Variants in PSD3 observed in about 807,000 individuals in gnomAD.
PSD3 encodes PH and SEC7 domain-containing protein 3.
PSD3 carries 49 observed loss-of-function variants against 105.5 expected under a neutral mutation model. That is an observed-to-expected ratio of 0.46 (90% confidence interval 0.37 to 0.59). PSD3 has a LOEUF of 0.59. Ranked by LOEUF, PSD3 falls within the 20% of genes least tolerant of loss-of-function variation. The probability of loss-of-function intolerance (pLI) is 0.00; values close to 1 mark genes in which losing one functional copy is unlikely to be tolerated. For synonymous variants in PSD3, 557 were observed against 457.8 expected, an observed-to-expected ratio of 1.22 and a Z score of -2.77; for missense variants, 1,561 against 1,263.8, an observed-to-expected ratio of 1.24 and a Z score of -3.57.
At chr8:18,855,748 C>A (rs191217113) in intron 4 of PSD3, among the ~76,000 whole-genome samples, 43 of 152,266 alleles carry the variant, frequency 2.8e-4, no homozygotes, top group African/African-American at 1.0e-3. Flanking sequence ...GAATGATAAA[C>A]ATCAGCAGCT....
chr8:18,586,377 T>G lies in PSD3; in HGVS notation c.2482-11092A>C, dbSNP rs538163242. ...AGGGGGAAAGCCTTTACTATTACTC[T>G]CCATTTGTAATGAAGAAATGCGAAT... On this transcript the variant is annotated intron_variant, in intron 12 of 15. Coordinates refer to ENST00000327040, the MANE Select transcript of PSD3 (RefSeq NM_015310.4). Among the ~76,000 whole-genome samples, 402 of 152,302 alleles carry G rather than the reference T, an allele frequency of 2.6e-3. 2 individuals are homozygous for G. Among genetic ancestry groups the G allele is most frequent in the Non-Finnish European group, 5.1e-3 (345 of 68,026 alleles).
rs541499785 is a variant in PSD3 at position 18,642,847 on chromosome 8, T to A, written c.2217-10041A>T. Among the ~76,000 whole-genome samples, 267 of 152,310 alleles carry A rather than the reference T, an allele frequency of 1.8e-3. 1 individual carries two copies. The highest frequency in any genetic ancestry group is 3.2e-3 in the African/African-American group (132 of 41,570). On this transcript the variant is annotated intron_variant, in intron 10 of 15. Transcript: ENST00000327040. ...AAGCAAACAATGTATTGTCATTTTT[T>A]AAAAAAATTTGGCCTTTTAAAGCTA...
intron 11 of PSD3, among the ~76,000 whole-genome samples, chr8:18,604,047 A>C (rs1033018303): frequency 6.6e-6 from 1 of 152,228 alleles, no homozygotes; most frequent in Non-Finnish European, 1.5e-5. Flanking sequence ...GGCATTGCTT[A>C]TAAAGATACC....
At chr8:18,659,272 A>G (rs992102080) in intron 9 of PSD3, among the ~76,000 whole-genome samples, 4 of 152,182 alleles carry the variant, frequency 2.6e-5, no homozygotes, top group Admixed American at 2.6e-4. Context: ...ATATTCATCA[A>G]CTCAAACTTC....
chr8:18,828,752 G>A (rs1008680309), intron 4 of PSD3, among the ~76,000 whole-genome samples: 4 of 151,814 alleles, frequency 2.6e-5, no homozygotes, highest in African/African-American at 7.2e-5. Flanking sequence ...CATGAGGCCA[G>A]AAGTTTGAGA....
intron 8 of PSD3, among the ~76,000 whole-genome samples, chr8:18,798,892 G>T (rs548465495): frequency 6.6e-6 from 1 of 152,026 alleles, no homozygotes; most frequent in Admixed American, 6.6e-5. Context: ...CACAAGAAAG[G>T]CTGAGTTATT....
intron 12 of PSD3, among the ~76,000 whole-genome samples, chr8:18,583,459 TC>T (rs1427336942): frequency 6.6e-6 from 1 of 152,062 alleles, no homozygotes; most frequent in African/African-American, 2.4e-5. Flanking sequence ...ATCAGGTCAC[TC>T]CCCATTTAAA....
chr8:18,946,780 C>T (rs1188477934), intron 1 of PSD3, among the ~76,000 whole-genome samples: 6 of 150,904 alleles, frequency 4.0e-5, no homozygotes, highest in Non-Finnish European at 5.9e-5. Context: ...GGGGGAGTGC[C>T]GGTAATCCCA....
intron 2 of PSD3, among the ~76,000 whole-genome samples, chr8:18,905,188 T>C (rs1460873749): frequency 1.3e-5 from 2 of 152,182 alleles, no homozygotes; most frequent in African/African-American, 4.8e-5. Context: ...GCATCCCCCC[T>C]AAGTTACATG....
At chr8:18,589,425 T>A (rs1803435827) in intron 12 of PSD3, among the ~76,000 whole-genome samples, 1 of 152,294 alleles carries the variant, frequency 6.6e-6, no homozygotes, top group Non-Finnish European at 1.5e-5. Flanking sequence ...CAAAGCCTAT[T>A]TTCCCAAAAA....
At chr8:18,909,322 T>C (rs1029639195) in intron 2 of PSD3, among the ~76,000 whole-genome samples, 4 of 152,158 alleles carry the variant, frequency 2.6e-5, no homozygotes, top group Non-Finnish European at 4.4e-5. Context: ...TCTTACCAAA[T>C]GAACAAACTG....
At chr8:18,683,969 A>G (rs1800518354) in intron 9 of PSD3, 1 of 747,138 alleles carries the variant, frequency 1.3e-6, no homozygotes, top group Non-Finnish European at 2.5e-6. Context: ...TTAGAGAAAT[A>G]AAAAGGCACT....
At chr8:18,783,915 C>G (rs911055511) in intron 8 of PSD3, among the ~76,000 whole-genome samples, 2 of 152,244 alleles carry the variant, frequency 1.3e-5, no homozygotes, top group African/African-American at 4.8e-5. Context: ...GCATGAGCCA[C>G]TGCAACCGGC....
chr8:18,868,135 C>T (rs1817088962), intron 3 of PSD3, 66 bp from the exon 4 acceptor site: 14 of 1,472,140 alleles, frequency 9.5e-6, no homozygotes, highest in African/African-American at 1.4e-5. Context: ...CCCACTTCAA[C>T]CATATAAAAA....
chr8:18,604,687 C>T (rs1585362691), intron 11 of PSD3, among the ~76,000 whole-genome samples: 1 of 152,190 alleles, frequency 6.6e-6, no homozygotes, highest in African/African-American at 2.4e-5. Flanking sequence ...CAGCCCCTCT[C>T]GAGGCCTAGG....
At chr8:18,966,137 T>C (rs950058175) in intron 1 of PSD3, among the ~76,000 whole-genome samples, 6 of 152,226 alleles carry the variant, frequency 3.9e-5, no homozygotes, top group Non-Finnish European at 8.8e-5. Context: ...AAGAGTTGAC[T>C]ATACCAGGCT....
intron 1 of PSD3, among the ~76,000 whole-genome samples, chr8:19,023,376 G>C (rs1827425777): frequency 6.6e-6 from 1 of 151,386 alleles, no homozygotes; most frequent in African/African-American, 2.4e-5. Context: ...GTAGTTAGTG[G>C]CTACTGAATA....
chr8:18,834,624 T>A (rs1403515463), intron 4 of PSD3, among the ~76,000 whole-genome samples: 1 of 152,106 alleles, frequency 6.6e-6, no homozygotes, highest in East Asian at 1.9e-4. Flanking sequence ...GCACTTAAAC[T>A]ATGACTGGGT....
At chr8:18,823,072 G>A (rs1441657514) in intron 4 of PSD3, among the ~76,000 whole-genome samples, 1 of 144,016 alleles carries the variant, frequency 6.9e-6, no homozygotes, top group Non-Finnish European at 1.5e-5. Flanking sequence ...TATAAAGAAG[G>A]AGGAAAAGGG....
Sources: gnomAD v4.1 joint callset for allele counts (sites outside exome capture counted in the v4.1 genomes callset) on GRCh38, gnomAD v4.1.1 for gene constraint, MANE v1.5 for transcripts, NCBI Gene and HGNC (gene_info 2026-07-23, HGNC 2026-07-21) for gene names.